The following NOX4 variants were observed in gnomAD, a reference collection of about 807,000 sequenced individuals.
The protein encoded by NOX4 is kidney oxidase-1.
NOX4 carries 69 observed loss-of-function variants against 87.6 expected under a neutral mutation model. The observed-to-expected ratio is 0.79, with a 90% confidence interval of 0.65 to 0.96. The LOEUF is 0.96. NOX4 is among the 40% of genes least tolerant of loss of function. The pLI is 0.00. For synonymous variants in NOX4, 275 were observed against 238.2 expected (o/e 1.15, Z -1.42); for missense variants, 680 against 681.5 (o/e 1.00, Z 0.02).
intron 16 of NOX4, 118 bp from the exon 17 acceptor site, chr11:89,336,063 T>C: frequency 1.9e-6 from 1 of 523,514 alleles, no homozygotes; most frequent in African/African-American, 2.0e-5. Context: ...AGAATGTAAG[T>C]ATCAAATGGC....
chr11:89,399,399 A>G lies in NOX4; in HGVS notation c.1074+618T>C, dbSNP rs534158417. ...ATTTCCATATACATTAAAATACTCC[A>G]TAAAAGGAGAAAAGTAAATATTCAA... On this transcript the variant is annotated intron_variant, in intron 11 of 17. Transcript: ENST00000263317. Among the ~76,000 whole-genome samples, 89 of 145,464 alleles carry G rather than the reference A, an allele frequency of 6.1e-4. 3 individuals carry two copies. In the South Asian group the frequency reaches 0.019, roughly 31 times the overall value.
chr11:89,533,698 GC>G, the NOX4 span: 1 of 152,194 alleles, frequency 6.6e-6, no homozygotes, highest in Non-Finnish European at 1.5e-5. Flanking sequence ...AAGAACTAGA[GC>G]CCCATCTCTG....
At chr11:89,419,825 T>A (rs1942993299) in intron 8 of NOX4, among the ~76,000 whole-genome samples, 1 of 152,000 alleles carries the variant, frequency 6.6e-6, no homozygotes, top group Non-Finnish European at 1.5e-5. Flanking sequence ...GAAATGCTGA[T>A]CCTTTAACAA....
chr11:89,430,826 A>C lies in NOX4; in HGVS notation c.548+1958T>G, dbSNP rs558049083. On this transcript the variant is annotated intron_variant, in intron 7 of 17. Coordinates refer to ENST00000263317, the MANE Select transcript of NOX4 (RefSeq NM_016931.5). ...TTGCATCCTCATCAAGCTACCAATG[A>C]CTTTCTTCACAGAATTGGAAAAAAC... 3.9e-5 allele frequency among the ~76,000 whole-genome samples: 6 copies of C among 152,284 alleles called. No homozygotes were observed. In the South Asian group the frequency reaches 8.3e-4, roughly 21 times the overall value.
intron 5 of NOX4, among the ~76,000 whole-genome samples, chr11:89,442,436 G>C (rs1944499635): frequency 6.6e-6 from 1 of 152,060 alleles, no homozygotes; most frequent in African/African-American, 2.4e-5. Flanking sequence ...ACATTCACTG[G>C]AGTGTGGTTC....
upstream of NOX4, among the ~76,000 whole-genome samples, chr11:89,493,011 G>C (rs1946897847): frequency 6.6e-6 from 1 of 152,230 alleles, no homozygotes; most frequent in African/African-American, 2.4e-5. Flanking sequence ...CCCAGGCTCT[G>C]TCTTTGCTAC....
In NOX4 at chr11:89,455,744, A is replaced by ATATATATATATATG. The variant is rs1163284365; in HGVS notation, c.154-3850_154-3849insCATATATATATATA. On this transcript the variant is annotated intron_variant, in intron 2 of 17. Transcript: ENST00000263317. ...CATATATATATATATATATATATAT[A>ATATATATATATATG]TGAAACAAAAAGCAGGCACTTCAAG... Among the ~76,000 whole-genome samples, 20 of 146,894 alleles carry ATATATATATATATG rather than the reference A, an allele frequency of 1.4e-4. 1 individual carries two copies. The highest frequency in any genetic ancestry group is 4.7e-4 in the African/African-American group (18 of 38,362).
the NOX4 span, among the ~76,000 whole-genome samples, chr11:89,559,226 A>G: frequency 6.6e-6 from 1 of 152,140 alleles, no homozygotes; most frequent in Non-Finnish European, 1.5e-5. Flanking sequence ...TATTCAATAA[A>G]TGCATGTATA....
chr11:89,569,017 G>C, the NOX4 span, among the ~76,000 whole-genome samples: 1 of 151,944 alleles, frequency 6.6e-6, no homozygotes, highest in African/African-American at 2.4e-5. Flanking sequence ...AGTCAGGATG[G>C]GTTAAAGACT....
chr11:89,421,270 C>T (rs1163502325), intron 8 of NOX4, among the ~76,000 whole-genome samples: 2 of 152,108 alleles, frequency 1.3e-5, no homozygotes, highest in Non-Finnish European at 2.9e-5. Context: ...TACAAAAATA[C>T]ATTATTTTCT....
At chr11:89,483,694 A>C (rs1342876065) in intron 2 of NOX4, among the ~76,000 whole-genome samples, 1 of 152,096 alleles carries the variant, frequency 6.6e-6, no homozygotes, top group African/African-American at 2.4e-5. Context: ...ATTGTACAAC[A>C]TGGTGACTAT....
chr11:89,437,251 C>T (rs1211889923), intron 6 of NOX4, among the ~76,000 whole-genome samples: 2 of 151,932 alleles, frequency 1.3e-5, no homozygotes, highest in East Asian at 3.9e-4. Context: ...ACCTGTAATC[C>T]CAGTTACTTG....
In NOX4 at chr11:89,375,203, T is replaced by G. The variant is rs536063270; in HGVS notation, c.1075-1711A>C. The stretch of plus-strand genomic sequence containing the variant: ...CTAACAGTAGTATAAAATATTAAAA[T>G]TGAAATATTTTTAAATAACATTGTT... On this transcript the variant is annotated intron_variant, in intron 11 of 17. Coordinates refer to ENST00000263317, the MANE Select transcript of NOX4 (RefSeq NM_016931.5). Among the ~76,000 whole-genome samples the G allele has an allele frequency of 3.9e-5, 6 of 152,334 alleles. No individual in the cohort carries two copies. The South Asian group carries it at 1.2e-3, about 32-fold the overall frequency.
the NOX4 span, among the ~76,000 whole-genome samples, chr11:89,547,228 C>T: frequency 6.6e-6 from 1 of 151,926 alleles, no homozygotes; most frequent in Non-Finnish European, 1.5e-5. Flanking sequence ...GCCATAGAAT[C>T]ACATGGGGGG....
the NOX4 span, among the ~76,000 whole-genome samples, chr11:89,574,597 T>A: frequency 2.6e-5 from 4 of 152,246 alleles, no homozygotes; most frequent in Non-Finnish European, 5.9e-5. Flanking sequence ...AAGTCTATAA[T>A]GACCTTTTAC....
At chr11:89,487,667 C>T (rs1029841274) in intron 2 of NOX4, among the ~76,000 whole-genome samples, 1 of 152,110 alleles carries the variant, frequency 6.6e-6, no homozygotes, top group African/African-American at 2.4e-5. Context: ...ATCCCACATG[C>T]GTATACCAGT....
chr11:89,493,726 TA>T (rs1565357795), upstream of NOX4, among the ~76,000 whole-genome samples: 117 of 106,284 alleles, frequency 1.1e-3, no homozygotes, highest in East Asian at 8.9e-3. Flanking sequence ...ATTGTTTTAT[TA>T]TTATTATTAT....
At chr11:89,393,774 C>G (rs1305872111) in intron 11 of NOX4, among the ~76,000 whole-genome samples, 1 of 152,130 alleles carries the variant, frequency 6.6e-6, no homozygotes, top group African/African-American at 2.4e-5. Flanking sequence ...GATGATGAAA[C>G]TGAGCCTTAG....
intron 13 of NOX4, among the ~76,000 whole-genome samples, chr11:89,347,193 A>T (rs1022603095): frequency 1.3e-5 from 2 of 152,204 alleles, no homozygotes; most frequent in Admixed American, 6.5e-5. Context: ...ACTACCACAA[A>T]TATGCAGACA....
Sources: gnomAD v4.1 joint callset for allele counts (sites outside exome capture counted in the v4.1 genomes callset) on GRCh38, gnomAD v4.1.1 for gene constraint, MANE v1.5 for transcripts, NCBI Gene and HGNC (gene_info 2026-07-23, HGNC 2026-07-21) for gene names.